Variants in SNRNP70 observed in about 807,000 individuals in gnomAD.
The protein encoded by SNRNP70 is small nuclear ribonucleoprotein U1 subunit 70.
SNRNP70 carries 8 observed loss-of-function variants against 50.5 expected under a neutral mutation model. The ratio of observed to expected loss-of-function variants is 0.16; its 90% CI spans 0.09 to 0.29. SNRNP70 has a LOEUF of 0.29. SNRNP70 is among the 10% of genes least tolerant of loss of function. The pLI is 1.00. For synonymous variants in SNRNP70, 320 were observed against 252.9 expected (o/e 1.27, Z -2.52); for missense variants, 529 against 663.5 (o/e 0.80, Z 2.23).
chr19:49,085,951 C>T (rs1049139871), intron 1 of SNRNP70, among the ~76,000 whole-genome samples: 1 of 152,222 alleles, frequency 6.6e-6, no homozygotes, highest in Non-Finnish European at 1.5e-5. Context: ...CCCACAAGCA[C>T]TTGGTTTTGG....
chr19:49,087,239 A>G (rs1383564204), intron 2 of SNRNP70, among the ~76,000 whole-genome samples: 2 of 151,950 alleles, frequency 1.3e-5, no homozygotes, highest in East Asian at 3.9e-4. Context: ...TTTTGTGAAA[A>G]TTCAGTGAGT....
chr19:49,090,303 G>A lies in SNRNP70; in HGVS notation c.160G>A (p.Ala54Thr). Residue 54 changes from alanine to threonine, a missense_variant, in exon 3 of 10, where the codon GCC (alanine) becomes ACC (threonine). Physicochemically the swap from Ala to Thr is moderately conservative, Grantham distance 58. Transcript: ENST00000598441. ...YIREFEDPRD[A>T]PPPTRAETRE... ...TTCTTGTTCCCAGGACCCTCGAGAT[G>A]CCCCTCCTCCAACTCGTGCTGAAAC... is the stretch of plus-strand genomic sequence containing the variant. 1 of 1,613,864 alleles carries A rather than the reference G, an allele frequency of 6.2e-7. No homozygotes were observed. The highest frequency in any genetic ancestry group is 8.5e-7 in the Non-Finnish European group (1 of 1,179,982).
Position 49,104,535 on chromosome 19 carries a change from A to T in SNRNP70, c.476-99A>T. 1.1e-6 allele frequency: 1 copy of T among 893,148 alleles called. No homozygotes were observed. The highest frequency in any genetic ancestry group is 2.0e-5 in the Admixed American group (1 of 49,284). 55.3% of individuals were successfully genotyped at this position (893,148 alleles called of 1,614,324 possible). ...GTTGGGCGTGTGCGTGTGCGTGATG[A>T]TGGGGACACGGGGCGGGGATTCTGT... On this transcript the variant is annotated intron_variant, in intron 7 of 9. Transcript: ENST00000598441. The surrounding 1 kb of genome is among the most constrained non-coding windows in gnomAD (Gnocchi z 5.4).
chr19:49,108,363 G>C lies in SNRNP70; in HGVS notation c.1234G>C (p.Asp412His), dbSNP rs1198575609. The change falls in exon 10 of 10, where the codon GAC becomes CAC. Residue 412 changes from aspartate to histidine, a missense_variant. Around this residue, in one of 4 missense-constraint regions of SNRNP70, gnomAD observed 327 missense variants for 308.8 expected, o/e 1.06. Transcript: ENST00000598441. ...GLEGLGNDSR[D>H]MYMESEGGDG... The stretch of plus-strand genomic sequence containing the variant: ...GGAGGGTCTGGGCAACGACAGCCGA[G>C]ACATGTACATGGAGTCTGAGGGCGG... The C allele has an allele frequency of 6.8e-6, 11 of 1,610,790 alleles. No individual in the cohort carries two copies. The highest frequency in any genetic ancestry group is 8.5e-6 in the Non-Finnish European group (10 of 1,178,628).
Position 49,098,424 on chromosome 19 carries a change from C to T in SNRNP70, c.266-3C>T, listed in dbSNP as rs746204152. On this transcript the variant is annotated splice_polypyrimidine_tract_variant and splice_region_variant and intron_variant, in intron 4 of 9. Coordinates refer to ENST00000598441, the MANE Select transcript of SNRNP70 (RefSeq NM_003089.6). ...CTTATAAAATTCCTTTCTTCCTGCA[C>T]AGGGGACCCTCACAATGATCCCAAT... 6.7e-5 allele frequency: 108 copies of T among 1,611,116 alleles called. No individual in the cohort carries two copies. Among genetic ancestry groups the T allele is most frequent in the Non-Finnish European group, 8.3e-5 (98 of 1,178,338 alleles).
At chr19:49,095,030 G>A (rs538558106) in intron 4 of SNRNP70, among the ~76,000 whole-genome samples, 6 of 152,250 alleles carry the variant, frequency 3.9e-5, no homozygotes, top group African/African-American at 1.2e-4. Context: ...GGCGCTGCAC[G>A]CATACGCTGG....
Position 49,101,479 on chromosome 19 carries a change from CCT to C in SNRNP70, c.475+10_475+11del. On this transcript the variant is annotated intron_variant, in intron 7 of 9. Transcript: ENST00000598441. ...ACGAGCGAGACATGCACTGTGAGTA[CCT>C]CCCGCCGAGCCCTGCCCTCTGACCT... is the stretch of plus-strand genomic sequence containing the variant. The C allele has an allele frequency of 6.2e-7, 1 of 1,607,424 alleles. No individual in the cohort carries two copies. The highest frequency in any genetic ancestry group is 1.1e-5 in the South Asian group (1 of 90,954).
At chr19:49,101,800 C>T in intron 7 of SNRNP70, 1 of 397,912 alleles carries the variant, frequency 2.5e-6, no homozygotes, top group Non-Finnish European at 4.8e-6. Context: ...GGAACCTCCC[C>T]CATTCCCCCC....
At position 49,104,969 on chromosome 19, in the gene SNRNP70, G is replaced by GC. The variant is rs777366198; in HGVS notation, c.577+235dup. On this transcript the variant is annotated intron_variant, in intron 8 of 9. Coordinates refer to ENST00000598441, the MANE Select transcript of SNRNP70 (RefSeq NM_003089.6). This position sits in a 1 kb window ranked among gnomAD's most constrained non-coding sequence, Gnocchi z 5.4. Reference sequence around the variant, plus strand: ...AGCCTGGAGAGGCCTGAGCCCACATGCTGGCGTCCGCCCTTGCTAGCTGGG... The same window carrying GC: ...AGCCTGGAGAGGCCTGAGCCCACATGCCTGGCGTCCGCCCTTGCTAGCTGGG... Among the ~76,000 whole-genome samples, 36 of 152,194 alleles carry GC rather than the reference G, an allele frequency of 2.4e-4. No homozygotes were observed. Among genetic ancestry groups the GC allele is most frequent in the Non-Finnish European group, 2.6e-4 (18 of 68,042 alleles).
chr19:49,099,383 C>G (rs1020433241), intron 6 of SNRNP70, among the ~76,000 whole-genome samples: 1 of 151,962 alleles, frequency 6.6e-6, no homozygotes, highest in Non-Finnish European at 1.5e-5. Context: ...CCCAGGAGTT[C>G]GAGACCTGCC....
chr19:49,106,610 C>T (rs1231452198), intron 8 of SNRNP70, among the ~76,000 whole-genome samples: 3 of 152,116 alleles, frequency 2.0e-5, no homozygotes, highest in South Asian at 2.1e-4. Flanking sequence ...CCCTGCCTCA[C>T]GGAAGCTTTT....
In SNRNP70 at chr19:49,101,030, C is replaced by T. The variant is rs183197711; in HGVS notation, c.394-360C>T. ...ACCTTTGTGGCTTCATCTCCTGGGA[C>T]TCTCTGTCATCAGTACATGAGCCAG... On this transcript the variant is annotated intron_variant, in intron 6 of 9. Transcript: ENST00000598441. Among the ~76,000 whole-genome samples, 784 of 152,278 alleles carry T rather than the reference C, an allele frequency of 5.1e-3. 6 individuals carry two copies. The highest frequency in any genetic ancestry group is 0.018 in the African/African-American group (760 of 41,560).
At chr19:49,089,814 C>T (rs1300139407) in intron 2 of SNRNP70, among the ~76,000 whole-genome samples, 1 of 151,602 alleles carries the variant, frequency 6.6e-6, no homozygotes, top group Non-Finnish European at 1.5e-5. Context: ...AGGCGCCCAC[C>T]ACCACGCCCG....
intron 1 of SNRNP70, 74 bp from the exon 2 acceptor site, chr19:49,086,331 A>T: frequency 3.4e-6 from 5 of 1,451,770 alleles, no homozygotes; most frequent in Non-Finnish European, 4.6e-6. Flanking sequence ...TCTTATTTTG[A>T]GAGTCAAGGA....
In SNRNP70 at chr19:49,090,454, T is replaced by C. The variant is rs759579766; in HGVS notation, c.211-12T>C. On this transcript the variant is annotated splice_polypyrimidine_tract_variant and intron_variant, in intron 3 of 9. Transcript: ENST00000598441. Reference sequence around the variant, plus strand: ...CTGCATTCACTTCTCCACCTCCCCTTTCTCCTGACAGAGACGGGAAAAGAT... The same window carrying C: ...CTGCATTCACTTCTCCACCTCCCCTCTCTCCTGACAGAGACGGGAAAAGAT... 20 of 1,613,948 alleles carry C rather than the reference T, an allele frequency of 1.2e-5. No individual in the cohort carries two copies. The highest frequency in any genetic ancestry group is 1.7e-5 in the Non-Finnish European group (20 of 1,179,954).
intron 4 of SNRNP70, among the ~76,000 whole-genome samples, chr19:49,094,975 G>A (rs1263257596): frequency 6.6e-6 from 1 of 152,248 alleles, no homozygotes; most frequent in Non-Finnish European, 1.5e-5. Flanking sequence ...CTGCTACTTA[G>A]ATGAGCCCTC....
At chr19:49,094,326 C>G (rs1275546365) in intron 4 of SNRNP70, among the ~76,000 whole-genome samples, 1 of 152,052 alleles carries the variant, frequency 6.6e-6, no homozygotes, top group Non-Finnish European at 1.5e-5. Context: ...TGGTGAAACC[C>G]TGTCTCAACT....
intron 4 of SNRNP70, among the ~76,000 whole-genome samples, chr19:49,092,503 G>T (rs1473476542): frequency 6.6e-6 from 1 of 151,602 alleles, no homozygotes; most frequent in Non-Finnish European, 1.5e-5. Context: ...CCGCCTCCTG[G>T]GTTCAAGTGA....
At position 49,086,461 on chromosome 19, in the gene SNRNP70, G is replaced by T; in HGVS notation, c.47G>T (p.Arg16Leu). ...PPNLLALFAP[R>L]DPIPYLPPLE... ...AACCTTCTGGCCCTCTTTGCCCCCC[G>T]TGACCCTATTCCATACCTGCCACCC... The change falls in exon 2 of 10, where the codon CGT (arginine) becomes CTT (leucine). Residue 16 changes from arginine to leucine, a missense_variant. Arg to Leu is a moderately radical substitution (Grantham distance 102, BLOSUM62 -2). Transcript: ENST00000598441. The T allele has an allele frequency of 6.2e-7, 1 of 1,613,918 alleles. No homozygotes were observed. Among genetic ancestry groups the T allele is most frequent in the Non-Finnish European group, 8.5e-7 (1 of 1,179,988 alleles).
Sources: allele counts gnomAD v4.1 joint callset (sites outside exome capture counted in the v4.1 genomes callset), GRCh38; gene constraint gnomAD v4.1.1; regional missense constraint gnomAD v4.1.1; non-coding constraint Gnocchi (gnomAD v3.1); transcripts MANE v1.5; gene names NCBI Gene and HGNC (gene_info 2026-07-23, HGNC 2026-07-21).